Variants in DPP10 observed in about 807,000 individuals in gnomAD.
DPP10 encodes dipeptidyl peptidase like 10.
DPP10 carries 33 observed loss-of-function variants against 120.9 expected under a neutral mutation model. That is an observed-to-expected ratio of 0.27 (90% CI 0.21 to 0.37). The LOEUF is 0.37. Among genes scored for constraint, DPP10 ranks in the 10% least tolerant of loss-of-function variants. The pLI, the probability that DPP10 is intolerant of heterozygous loss-of-function variation, is 1.00. For synonymous variants in DPP10, 337 were observed against 326.1 expected (o/e 1.03, Z -0.36); for missense variants, 816 against 942.8 (o/e 0.87, Z 1.76).
intron 2 of DPP10, among the ~76,000 whole-genome samples, chr2:115,320,871 CT>C (rs1335430346): frequency 1.3e-5 from 2 of 152,134 alleles, no homozygotes; most frequent in Non-Finnish European, 2.9e-5. Context: ...TGAAGCCTCC[CT>C]TTGACATTTT....
intron 1 of DPP10, among the ~76,000 whole-genome samples, chr2:114,490,163 T>C (rs1452240883): frequency 1.3e-5 from 2 of 152,204 alleles, no homozygotes; most frequent in Non-Finnish European, 1.5e-5. Flanking sequence ...TCTCTGGCTA[T>C]GTCTAGCACT....
intron 5 of DPP10, among the ~76,000 whole-genome samples, chr2:115,681,544 C>G (rs978415246): frequency 1.3e-5 from 2 of 151,762 alleles, no homozygotes; most frequent in Admixed American, 1.3e-4. Context: ...TGGTTGTAAT[C>G]TCTTGGGCTT....
intron 1 of DPP10, among the ~76,000 whole-genome samples, chr2:115,254,723 C>CT (rs1229364083): frequency 6.6e-6 from 1 of 152,166 alleles, no homozygotes; most frequent in Non-Finnish European, 1.5e-5. Flanking sequence ...AACAGAGGGG[C>CT]TACAGGCCCC....
chr2:115,496,133 C>A (rs1431431871), intron 3 of DPP10, among the ~76,000 whole-genome samples: 1 of 151,554 alleles, frequency 6.6e-6, no homozygotes, highest in Non-Finnish European at 1.5e-5. Context: ...GATTATAAAT[C>A]AAACTGTAAA....
At chr2:115,737,946 T>C (rs1349947479) in intron 8 of DPP10, among the ~76,000 whole-genome samples, 2 of 152,204 alleles carry the variant, frequency 1.3e-5, no homozygotes, top group African/African-American at 4.8e-5. Flanking sequence ...TTCCCTAGGA[T>C]AGCGGTTGCC....
At chr2:115,287,657 A>G (rs1166807756) in intron 1 of DPP10, among the ~76,000 whole-genome samples, 1 of 152,054 alleles carries the variant, frequency 6.6e-6, no homozygotes, top group Non-Finnish European at 1.5e-5. Flanking sequence ...GTTTTCCATA[A>G]TGTTTCCGTG....
At chr2:115,460,647 C>T (rs2073934415) in intron 3 of DPP10, among the ~76,000 whole-genome samples, 1 of 152,088 alleles carries the variant, frequency 6.6e-6, no homozygotes, top group South Asian at 2.1e-4. Flanking sequence ...GATATTGTCC[C>T]TACTGTTGTA....
chr2:115,766,042 G>A (rs1680667903), intron 12 of DPP10, among the ~76,000 whole-genome samples: 1 of 151,844 alleles, frequency 6.6e-6, no homozygotes, highest in Non-Finnish European at 1.5e-5. Context: ...AATAATTATT[G>A]AGCTCAATTT....
intron 1 of DPP10, among the ~76,000 whole-genome samples, chr2:114,594,817 C>T (rs1691770769): frequency 6.6e-6 from 1 of 151,980 alleles, no homozygotes; most frequent in Admixed American, 6.6e-5. Flanking sequence ...CACCTGCTGA[C>T]TTAACCTGGG....
intron 1 of DPP10, chr2:115,064,706 T>C: frequency 7.7e-7 from 1 of 1,302,590 alleles, no homozygotes; most frequent in East Asian, 5.6e-5. Context: ...TGAAGTAAGA[T>C]TCTGTGAGGG....
intron 3 of DPP10, among the ~76,000 whole-genome samples, chr2:115,414,029 C>A (rs148203302): frequency 6.8e-4 from 103 of 152,168 alleles, no homozygotes; most frequent in African/African-American, 2.3e-3. Context: ...TAAAGATAAG[C>A]CTTTAATTCT....
At chr2:114,960,674 G>C (rs372834308) in intron 1 of DPP10, among the ~76,000 whole-genome samples, 7 of 152,178 alleles carry the variant, frequency 4.6e-5, no homozygotes, top group African/African-American at 1.4e-4. Flanking sequence ...AGTGGTGATA[G>C]GTTATATCCA....
intron 1 of DPP10, among the ~76,000 whole-genome samples, chr2:114,668,550 A>C (rs947061237): frequency 2.6e-5 from 4 of 152,310 alleles, no homozygotes; most frequent in Admixed American, 2.6e-4. Context: ...GCCTTAGCCC[A>C]GTAAAGTTGG....
intron 5 of DPP10, among the ~76,000 whole-genome samples, chr2:115,633,890 T>C (rs1374625291): frequency 6.6e-6 from 1 of 152,182 alleles, no homozygotes; most frequent in Non-Finnish European, 1.5e-5. Context: ...ACAACTTGGT[T>C]TCATTCTGCC....
intron 1 of DPP10, among the ~76,000 whole-genome samples, chr2:115,003,330 A>G (rs1328029939): frequency 6.6e-6 from 1 of 152,104 alleles, no homozygotes; most frequent in Non-Finnish European, 1.5e-5. Context: ...ATGGACACAA[A>G]GAGGGGAACA....
chr2:114,651,789 C>G (rs765833348), intron 1 of DPP10, among the ~76,000 whole-genome samples: 6 of 152,250 alleles, frequency 3.9e-5, no homozygotes, highest in Admixed American at 2.0e-4. Flanking sequence ...TTGAAAATCA[C>G]TGTTCATACA....
chr2:114,994,760 T>C (rs1245386388), intron 1 of DPP10, among the ~76,000 whole-genome samples: 3 of 152,192 alleles, frequency 2.0e-5, no homozygotes, highest in Non-Finnish European at 4.4e-5. Context: ...GCCTGAAAAA[T>C]GCAGCTTTAT....
At chr2:115,736,118 G>T (rs185724930) in intron 8 of DPP10, among the ~76,000 whole-genome samples, 223 of 152,134 alleles carry the variant, frequency 1.5e-3, no homozygotes, top group African/African-American at 5.2e-3. Context: ...ATTCCTGGTG[G>T]ATACCCTCGT....
chr2:115,216,468 A>G (rs980551338), intron 1 of DPP10, among the ~76,000 whole-genome samples: 2 of 152,120 alleles, frequency 1.3e-5, no homozygotes, highest in African/African-American at 4.8e-5. Flanking sequence ...ATGTATATAT[A>G]TGTCTAACTT....
Sources: allele counts gnomAD v4.1 joint callset (sites outside exome capture counted in the v4.1 genomes callset), GRCh38; gene constraint gnomAD v4.1.1; transcripts MANE v1.5; gene names NCBI Gene and HGNC (gene_info 2026-07-23, HGNC 2026-07-21).